RYR1: variants seen among roughly 807,000 people sequenced by gnomAD.
RYR1 encodes the protein ryanodine receptor 1.
RYR1 carries 342 observed loss-of-function variants against 583.5 expected under a neutral mutation model. The observed-to-expected ratio is 0.59, with a 90% CI of 0.54 to 0.64. The LOEUF is 0.64. RYR1 is among the 30% of genes least tolerant of loss of function. The pLI, the probability that RYR1 is intolerant of heterozygous loss-of-function variation, is 0.00. For missense variants in RYR1, 6,032 were observed against 6,917.2 expected, an observed-to-expected ratio of 0.87 and a Z score of 4.54; for synonymous variants, 2,791 against 2,822.5, an observed-to-expected ratio of 0.99 and a Z score of 0.35.
chr19:38,562,886 C>T (rs2907617), intron 90 of RYR1, among the ~76,000 whole-genome samples: 3,075 of 152,276 alleles, frequency 0.02, 116 homozygotes, highest in African/African-American at 0.069. Context: ...TCACATACTC[C>T]GCAGGAACCC....
intron 39 of RYR1, among the ~76,000 whole-genome samples, chr19:38,495,681 C>G (rs1297340324): frequency 6.6e-6 from 1 of 152,172 alleles, no homozygotes; most frequent in Non-Finnish European, 1.5e-5. Flanking sequence ...GCAAAGATCT[C>G]TGCCCTAGAG....
chr19:38,552,402 C>T (rs903857047), intron 89 of RYR1, among the ~76,000 whole-genome samples: 9 of 151,754 alleles, frequency 5.9e-5, no homozygotes, highest in East Asian at 5.8e-4. Context: ...TACAGGCATG[C>T]GCCACCACAC....
intron 87 of RYR1, among the ~76,000 whole-genome samples, 188 bp downstream of exon 87, chr19:38,544,063 GC>G (rs1404982513): frequency 6.6e-6 from 1 of 152,050 alleles, no homozygotes; most frequent in Non-Finnish European, 1.5e-5. Context: ...CTCCTCCTCT[GC>G]CCCTCCCTCC....
At chr19:38,494,188 C>A (rs927652757) in intron 38 of RYR1, among the ~76,000 whole-genome samples, 164 bp from the exon 39 acceptor site, 1 of 152,166 alleles carries the variant, frequency 6.6e-6, no homozygotes, top group Non-Finnish European at 1.5e-5. Context: ...AAAAGGAAAA[C>A]AATCTGCTAG....
intron 76 of RYR1, 139 bp from the exon 77 acceptor site, chr19:38,532,351 G>A (rs1568546320): frequency 1.8e-5 from 15 of 828,190 alleles, no homozygotes; most frequent in Non-Finnish European, 2.9e-5. Flanking sequence ...TCAGACTCCT[G>A]ATCTCAAGTG....
chr19:38,498,937 T>C (rs1419062154), intron 42 of RYR1, among the ~76,000 whole-genome samples, 171 bp from the exon 43 acceptor site: 3 of 152,220 alleles, frequency 2.0e-5, no homozygotes, highest in African/African-American at 7.2e-5. Context: ...CTGTTCAAGA[T>C]GGAGTTGCTG....
At position 38,469,299 on chromosome 19, in the gene RYR1, C is replaced by T. The variant is rs139849689; in HGVS notation, c.3557-6C>T. The T allele has an allele frequency of 3.4e-4, 554 of 1,613,782 alleles. 4 individuals carry two copies. The African/African-American group carries it at 6.3e-3, about 18-fold the overall frequency. ...TCACCCCTGCCCATCCATCCCCTCC[C>T]ACCAGGCTTCCTGCCCGTCTGCAGC... is the stretch of plus-strand genomic sequence containing the variant. On this transcript the variant is annotated splice_region_variant and splice_polypyrimidine_tract_variant and intron_variant, in intron 26 of 105. Transcript: ENST00000359596.
chr19:38,489,944 G>C, intron 35 of RYR1, 132 bp from the exon 36 acceptor site: 2 of 928,978 alleles, frequency 2.2e-6, no homozygotes, highest in East Asian at 2.5e-5. Context: ...CAGGCTTAAG[G>C]TTCCAGGCGG....
At chr19:38,457,352 C>T in intron 16 of RYR1, 145 bp from the exon 17 acceptor site, 1 of 1,163,210 alleles carries the variant, frequency 8.6e-7, no homozygotes, top group Non-Finnish European at 1.3e-6. Flanking sequence ...TGACCTTCCA[C>T]TTTCACCACC....
chr19:38,559,018 G>A (rs946011245), intron 89 of RYR1, among the ~76,000 whole-genome samples: 20 of 152,072 alleles, frequency 1.3e-4, no homozygotes, highest in African/African-American at 4.6e-4. Flanking sequence ...GAACCCAGGA[G>A]GCGGAGGCTG....
At position 38,444,068 on chromosome 19, in the gene RYR1, C is replaced by T. The variant is rs1182403138; in HGVS notation, c.425-81C>T. ...GTTGTGGGCCAAGGGCCCGGGAGGCCTGGTGGAGGGAGAGCCCTGGGGAAG... is the reference window on the plus strand; with the variant it reads ...GTTGTGGGCCAAGGGCCCGGGAGGCTTGGTGGAGGGAGAGCCCTGGGGAAG... On this transcript the variant is annotated intron_variant, in intron 5 of 105. Transcript: ENST00000359596. The surrounding 1 kb of genome is among the most constrained non-coding windows in gnomAD (Gnocchi z 5.1). The T allele has an allele frequency of 4.8e-6, 6 of 1,241,982 alleles. No homozygotes were observed. Among genetic ancestry groups the T allele is most frequent in the African/African-American group, 1.5e-5 (1 of 67,632 alleles). 76.9% of individuals were successfully genotyped at this position (1,241,982 alleles called of 1,614,324 possible). A position where few individuals can be genotyped will look rare whatever the true frequency, so the allele number is the denominator to read the frequency against.
chr19:38,437,301 T>C (rs1390380496), intron 1 of RYR1, among the ~76,000 whole-genome samples: 5 of 152,040 alleles, frequency 3.3e-5, no homozygotes, highest in Non-Finnish European at 7.4e-5. Flanking sequence ...TGCGCCCACC[T>C]TGGCCTCCCA....
chr19:38,536,914 G>A, intron 83 of RYR1, 147 bp downstream of exon 83: 2 of 772,580 alleles, frequency 2.6e-6, no homozygotes, highest in Non-Finnish European at 4.5e-6. Flanking sequence ...TGCAAAACCT[G>A]GAGATCAGGA....
rs753538619 is a variant in RYR1 at position 38,499,247 on chromosome 19, A to T, written c.7027+4A>T. On this transcript the variant is annotated splice_donor_region_variant and intron_variant, in intron 43 of 105. Coordinates refer to ENST00000359596, the MANE Select transcript of RYR1 (RefSeq NM_000540.3). This position sits in a 1 kb window ranked among gnomAD's most constrained non-coding sequence, Gnocchi z 7.3. ...CGCTTTGCTGTCTTCGTCAACGGTG[A>T]GGAGGGGGTGGCAGTGGCAGAGCGG... is the stretch of plus-strand genomic sequence containing the variant. The T allele has an allele frequency of 4.7e-5, 76 of 1,613,998 alleles. No individual in the cohort carries two copies. The highest frequency in any genetic ancestry group is 1.6e-4 in the Middle Eastern group (1 of 6,084).
intron 27 of RYR1, among the ~76,000 whole-genome samples, chr19:38,470,331 G>C (rs1463020554): frequency 6.6e-6 from 1 of 151,622 alleles, no homozygotes; most frequent in Non-Finnish European, 1.5e-5. Flanking sequence ...CCAGCCACTC[G>C]GCAAACTGAG....
chr19:38,534,661 G>A, intron 78 of RYR1, 59 bp from the exon 79 acceptor site: 1 of 1,451,370 alleles, frequency 6.9e-7, no homozygotes, highest in African/African-American at 1.4e-5. Flanking sequence ...AGAATGTGAG[G>A]GGGAAAGGCT....
chr19:38,524,261 A>G (rs1971368891), intron 70 of RYR1, among the ~76,000 whole-genome samples: 2 of 150,488 alleles, frequency 1.3e-5, no homozygotes, highest in South Asian at 4.2e-4. Context: ...GTCAAGGGTA[A>G]TGGGGGTGGG....
At position 38,523,018 on chromosome 19, in the gene RYR1, C is replaced by G; in HGVS notation, c.10260-10C>G. 1.9e-6 allele frequency: 3 copies of G among 1,580,700 alleles called. No homozygotes were observed. Among genetic ancestry groups the G allele is most frequent in the Non-Finnish European group, 2.6e-6 (3 of 1,164,506 alleles). On this transcript the variant is annotated splice_polypyrimidine_tract_variant and intron_variant, in intron 67 of 105. Transcript: ENST00000359596. ...CACCCCCTCCCTCACCTCCCCTCCGCTGACCCCAGGGCGCAGTGGCTGACG... is the reference window on the plus strand; with the variant it reads ...CACCCCCTCCCTCACCTCCCCTCCGGTGACCCCAGGGCGCAGTGGCTGACG...
chr19:38,562,808 CTT>C (rs943219112), intron 90 of RYR1, among the ~76,000 whole-genome samples: 12 of 152,230 alleles, frequency 7.9e-5, no homozygotes, highest in African/African-American at 2.9e-4. Context: ...TGGTTGCACA[CTT>C]TTGGCATCTT....
Sources: gnomAD v4.1 joint callset for allele counts (sites outside exome capture counted in the v4.1 genomes callset) on GRCh38, gnomAD v4.1.1 for gene constraint, Gnocchi (gnomAD v3.1) non-coding constraint, MANE v1.5 for transcripts, NCBI Gene and HGNC (gene_info 2026-07-23, HGNC 2026-07-21) for gene names.